The following STPG1 variants were observed in gnomAD, a reference collection of about 807,000 sequenced individuals.
STPG1 encodes sperm tail PG-rich repeat containing 1, also known as O(6)-methylguanine-induced apoptosis 2.
Under a neutral mutation model 40.1 loss-of-function variants are expected in STPG1, and 33 were observed. The ratio of observed to expected loss-of-function variants is 0.82; its 90% CI spans 0.62 to 1.10. The LOEUF is 1.10. Among genes scored for constraint, STPG1 ranks in the 50% least tolerant of loss-of-function variants. STPG1 has a pLI of 0.00. For missense variants in STPG1, 396 were observed against 415.1 expected (o/e 0.95, Z 0.40); for synonymous variants, 150 against 155.0 (o/e 0.97, Z 0.24).
chr1:24,373,313 G>A (rs756257772), intron 6 of STPG1, among the ~76,000 whole-genome samples: 1 of 152,210 alleles, frequency 6.6e-6, no homozygotes, highest in Non-Finnish European at 1.5e-5. Flanking sequence ...TGGCAGCTCA[G>A]TGTTGAAGGA....
chr1:24,373,746 GT>G lies in STPG1; in HGVS notation c.526del (p.Thr176ProfsTer25). On this transcript the variant is annotated frameshift_variant, in exon 6 of 9. Coordinates refer to ENST00000337248, the MANE Select transcript of STPG1 (RefSeq NM_001199013.2). LOFTEE classifies it high-confidence loss of function. The part of the protein sequence containing the change: ...VCTRAGFMSK[T>X]QRGSFAFADK... ...AGCAAAAGCGAAAGATCCTCTTTGG[GT>G]TTTTGACATAAACCCGGCTCGAGTA... 2 of 1,612,994 alleles carry G rather than the reference GT, an allele frequency of 1.2e-6. No homozygotes were observed. The highest frequency in any genetic ancestry group is 8.5e-7 in the Non-Finnish European group (1 of 1,178,982).
chr1:24,388,472 T>G (rs1642609962), intron 3 of STPG1, among the ~76,000 whole-genome samples: 1 of 152,238 alleles, frequency 6.6e-6, no homozygotes, highest in Non-Finnish European at 1.5e-5. Context: ...CTGTGAAGGA[T>G]TCACTGTACT....
chr1:24,384,373 G>A (rs1237152561), intron 3 of STPG1, among the ~76,000 whole-genome samples: 3 of 152,182 alleles, frequency 2.0e-5, no homozygotes, highest in Non-Finnish European at 4.4e-5. Flanking sequence ...CCAGACCCAC[G>A]GCAAGGGAAG....
intron 7 of STPG1, among the ~76,000 whole-genome samples, chr1:24,368,068 G>A (rs1641558509): frequency 6.6e-6 from 1 of 152,116 alleles, no homozygotes; most frequent in Admixed American, 6.5e-5. Flanking sequence ...GGTCTCTGGA[G>A]AGAGACTTTC....
intron 5 of STPG1, among the ~76,000 whole-genome samples, chr1:24,376,840 TCTTGTATCACAC>T (rs1454201436): frequency 6.6e-6 from 1 of 152,196 alleles, no homozygotes; most frequent in Non-Finnish European, 1.5e-5. Context: ...CTGATCACTT[TCTTGTATCACAC>T]CTTGCCATCT....
intron 6 of STPG1, among the ~76,000 whole-genome samples, chr1:24,372,133 G>A (rs375674669): frequency 3.9e-5 from 6 of 152,266 alleles, no homozygotes; most frequent in East Asian, 3.9e-4. Context: ...AGCCGAGATC[G>A]TGCCACTGCA....
chr1:24,409,094 G>A (rs1219686746), intron 1 of STPG1, among the ~76,000 whole-genome samples: 2 of 152,314 alleles, frequency 1.3e-5, no homozygotes, highest in East Asian at 1.9e-4. Flanking sequence ...AGGGCTGGGT[G>A]TGGTGGGTCA....
chr1:24,372,166 A>G (rs1227532261), intron 6 of STPG1, among the ~76,000 whole-genome samples: 2 of 152,204 alleles, frequency 1.3e-5, no homozygotes, highest in Admixed American at 1.3e-4. Context: ...TAACAGAGCA[A>G]GACTCCATCT....
chr1:24,387,725 C>T (rs1642576037), intron 3 of STPG1, among the ~76,000 whole-genome samples: 1 of 152,104 alleles, frequency 6.6e-6, no homozygotes. Flanking sequence ...TCATGAGTGC[C>T]AGCCCAGTGT....
rs1557440345 is a variant in STPG1, at chr1:24,374,242, G to GCGTTTTTTTTT, written c.463-433_463-432insAAAAAAAAACG. 1.6e-5 allele frequency among the ~76,000 whole-genome samples: 2 copies of GCGTTTTTTTTT among 124,860 alleles called. 1 individual carries two copies. The highest frequency in any genetic ancestry group is 6.5e-5 in the African/African-American group (2 of 30,788). 81.9% of individuals were successfully genotyped at this position (124,860 alleles called of 152,430 possible). ...CCCAGCAGAGATCACCGCTAGGAAAGTGTTTTTTTTTTTTGTTTTTTTTTT... is the reference window on the plus strand; with the variant it reads ...CCCAGCAGAGATCACCGCTAGGAAAGCGTTTTTTTTTTGTTTTTTTTTTTTGTTTTTTTTTT... On this transcript the variant is annotated intron_variant, in intron 5 of 8. Coordinates refer to ENST00000337248, the MANE Select transcript of STPG1 (RefSeq NM_001199013.2).
intron 3 of STPG1, among the ~76,000 whole-genome samples, chr1:24,386,635 C>T (rs1642517338): frequency 6.6e-6 from 1 of 152,218 alleles, no homozygotes; most frequent in Non-Finnish European, 1.5e-5. Context: ...AAATGTCAAG[C>T]GTTCTCCTGT....
At chr1:24,390,418 T>C (rs1314219501) in intron 3 of STPG1, among the ~76,000 whole-genome samples, 2 of 152,150 alleles carry the variant, frequency 1.3e-5, no homozygotes, top group Non-Finnish European at 2.9e-5. Context: ...CACATTGTTG[T>C]TGTGGTGGTG....
intron 2 of STPG1, among the ~76,000 whole-genome samples, chr1:24,396,258 T>C (rs1430843007): frequency 7.1e-6 from 1 of 140,800 alleles, no homozygotes; most frequent in Non-Finnish European, 1.5e-5. Flanking sequence ...TCTATCTATC[T>C]ATCCATCTAT....
At chr1:24,402,448 C>T (rs1397034770) in intron 1 of STPG1, among the ~76,000 whole-genome samples, 1 of 151,980 alleles carries the variant, frequency 6.6e-6, no homozygotes, top group Non-Finnish European at 1.5e-5. Flanking sequence ...GAAGTGTGTT[C>T]AAATCTTCTA....
Position 24,369,706 on chromosome 1 carries a change from A to G in STPG1, c.705T>C (p.Asp235=), listed in dbSNP as rs1451122328. 14 of 1,601,094 alleles carry G rather than the reference A, an allele frequency of 8.7e-6. No individual in the cohort carries two copies. Among genetic ancestry groups the G allele is most frequent in the South Asian group, 1.1e-5 (1 of 89,408 alleles). ...GPGPGYYNPS[D]CTKVPKKTLF... ...GAGTCTTTTTTGGAACTTTTGTGCAATCACTGGGGTTGTAATAACCAGGTC... is the reference window on the plus strand; with the variant it reads ...GAGTCTTTTTTGGAACTTTTGTGCAGTCACTGGGGTTGTAATAACCAGGTC... Residue 235 remains aspartate (D), a synonymous_variant, in exon 7 of 9, where the codon GAT becomes GAC. Coordinates refer to ENST00000337248, the MANE Select transcript of STPG1 (RefSeq NM_001199013.2).
At chr1:24,365,159 G>C (rs1382293319) in intron 7 of STPG1, among the ~76,000 whole-genome samples, 3 of 152,172 alleles carry the variant, frequency 2.0e-5, no homozygotes, top group Admixed American at 6.5e-5. Context: ...AAAATCCCAG[G>C]GGAAGTTAGG....
chr1:24,370,447 A>C (rs940846549), intron 6 of STPG1, among the ~76,000 whole-genome samples: 19 of 151,554 alleles, frequency 1.3e-4, no homozygotes, highest in African/African-American at 4.6e-4. Flanking sequence ...CAGTCTCCCG[A>C]GTAGCTGAGA....
chr1:24,388,815 A>G (rs530189330), intron 3 of STPG1, among the ~76,000 whole-genome samples: 59 of 152,352 alleles, frequency 3.9e-4, no homozygotes, highest in African/African-American at 1.4e-3. Flanking sequence ...ATGAGAACGA[A>G]CATAGAATAG....
intron 7 of STPG1, among the ~76,000 whole-genome samples, chr1:24,367,240 T>C (rs1410809160): frequency 1.3e-5 from 2 of 152,192 alleles, no homozygotes; most frequent in African/African-American, 4.8e-5. Context: ...TAGAAATCTA[T>C]AGAGTCTGCT....
Sources: allele counts gnomAD v4.1 joint callset (sites outside exome capture counted in the v4.1 genomes callset), GRCh38; gene constraint gnomAD v4.1.1; transcripts MANE v1.5; gene names NCBI Gene and HGNC (gene_info 2026-07-23, HGNC 2026-07-21).